GRM5: variants seen among roughly 807,000 people sequenced by gnomAD.
GRM5 encodes glutamate metabotropic receptor 5.
A neutral mutation model predicts 83.1 loss-of-function variants in GRM5; 19 were observed. The observed-to-expected ratio is 0.23, with a 90% CI of 0.16 to 0.34. GRM5 has a LOEUF of 0.34. Ranked by LOEUF, GRM5 falls within the 10% of genes least tolerant of loss-of-function variation. The pLI, the probability that GRM5 is intolerant of heterozygous loss-of-function variation, is 1.00. For synonymous variants in GRM5, 675 were observed against 633.6 expected (o/e 1.07, Z -0.98); for missense variants, 1,160 against 1,588.3 (o/e 0.73, Z 4.58).
In GRM5 at chr11:88,601,751, TCTTAAA is replaced by T. The variant is rs1938005419; in HGVS notation, c.1394+2961_1394+2966del. On this transcript the variant is annotated intron_variant, in intron 5 of 9. Coordinates refer to ENST00000305447, the MANE Select transcript of GRM5 (RefSeq NM_001143831.3). Reference sequence around the variant, plus strand: ...GTCAATTCCGGGTGGCAGCCACGCATCTTAAACTTTAATTCTCAATGGAGTCCCTAA... The same window carrying T: ...GTCAATTCCGGGTGGCAGCCACGCATCTTTAATTCTCAATGGAGTCCCTAA... 2.0e-5 allele frequency among the ~76,000 whole-genome samples: 3 copies of T among 152,278 alleles called. No individual in the cohort carries two copies. The South Asian group carries it at 6.2e-4, about 32-fold the overall frequency.
intron 3 of GRM5, among the ~76,000 whole-genome samples, chr11:88,694,735 G>A (rs1224695134): frequency 1.3e-5 from 2 of 152,078 alleles, no homozygotes; most frequent in Non-Finnish European, 2.9e-5. Flanking sequence ...GTTATTTAGA[G>A]AGCAATGTTA....
chr11:89,049,755 TAGAAAA>T (rs1411128615), intron 1 of GRM5, among the ~76,000 whole-genome samples: 3 of 152,140 alleles, frequency 2.0e-5, no homozygotes, highest in Non-Finnish European at 2.9e-5. Flanking sequence ...TGGGAATATA[TAGAAAA>T]AAATAGTTTT....
intron 2 of GRM5, among the ~76,000 whole-genome samples, chr11:89,044,223 C>T (rs534377793): frequency 1.3e-5 from 2 of 152,274 alleles, no homozygotes; most frequent in East Asian, 1.9e-4. Context: ...ATTGCATATT[C>T]CTTTCCTCTG....
intron 4 of GRM5, among the ~76,000 whole-genome samples, chr11:88,638,883 A>G (rs1360485140): frequency 2.0e-5 from 3 of 150,644 alleles, no homozygotes; most frequent in Non-Finnish European, 3.0e-5. Flanking sequence ...GATCAATTTG[A>G]TTTTTCAATT....
intron 2 of GRM5, among the ~76,000 whole-genome samples, chr11:88,939,608 A>G (rs756061743): frequency 6.6e-6 from 1 of 151,884 alleles, no homozygotes; most frequent in Non-Finnish European, 1.5e-5. Context: ...AGTAGCTCAC[A>G]TTTTAAAAAC....
At chr11:89,000,174 C>T (rs1314264945) in intron 2 of GRM5, among the ~76,000 whole-genome samples, 1 of 152,018 alleles carries the variant, frequency 6.6e-6, no homozygotes, top group Non-Finnish European at 1.5e-5. Context: ...ACCAACATGG[C>T]ACATGTATAC....
At position 88,947,770 on chromosome 11, in the gene GRM5, G is replaced by T. The variant is rs1368505569; in HGVS notation, c.662-97615C>A. The stretch of plus-strand genomic sequence containing the variant: ...TCCCCTTTTTGAACAACCTTGTTCA[G>T]AGCTAAAGGAAAAGCAGTAAATAAA... On this transcript the variant is annotated intron_variant, in intron 2 of 9. Transcript: ENST00000305447. 2.6e-5 allele frequency among the ~76,000 whole-genome samples: 4 copies of T among 152,094 alleles called. No homozygotes were observed. In the South Asian group the frequency reaches 8.3e-4, roughly 32 times the overall value.
intron 2 of GRM5, among the ~76,000 whole-genome samples, chr11:88,864,946 T>C (rs2201927): frequency 0.45 from 67,535 of 151,734 alleles, 15,366 homozygotes; most frequent in East Asian, 0.57. Context: ...GTCATTGGTT[T>C]TATTTATGTG....
chr11:88,907,517 T>A (rs1217664212), intron 2 of GRM5, among the ~76,000 whole-genome samples: 2 of 152,220 alleles, frequency 1.3e-5, no homozygotes, highest in African/African-American at 4.8e-5. Flanking sequence ...TAGTGCTCTA[T>A]CTTCTCACTA....
In GRM5 at chr11:88,745,874, T is replaced by C. The variant is rs143242134; in HGVS notation, c.912-92471A>G. On this transcript the variant is annotated intron_variant, in intron 3 of 9. Transcript: ENST00000305447. ...AGAAATTCCTGAGGCATTCAAGAAGTAGGCATTTCTGAAAAGCCCCATCTA... is the reference window on the plus strand; with the variant it reads ...AGAAATTCCTGAGGCATTCAAGAAGCAGGCATTTCTGAAAAGCCCCATCTA... 3.0e-3 allele frequency among the ~76,000 whole-genome samples: 457 copies of C among 152,278 alleles called. 5 individuals carry two copies. The highest frequency in any genetic ancestry group is 1.0e-2 in the African/African-American group (415 of 41,582).
chr11:88,645,511 A>C (rs1015269800), intron 4 of GRM5, among the ~76,000 whole-genome samples: 1 of 152,102 alleles, frequency 6.6e-6, no homozygotes, highest in Non-Finnish European at 1.5e-5. Flanking sequence ...TCATGGGTTT[A>C]AGAAATAGGA....
intron 6 of GRM5, among the ~76,000 whole-genome samples, chr11:88,594,266 A>G (rs1937737555): frequency 6.6e-6 from 1 of 152,222 alleles, no homozygotes; most frequent in African/African-American, 2.4e-5. Context: ...ACCCCTCACA[A>G]TGAAGAGTTT....
intron 3 of GRM5, among the ~76,000 whole-genome samples, chr11:88,793,554 T>C (rs889260756): frequency 6.6e-6 from 1 of 152,164 alleles, no homozygotes; most frequent in Non-Finnish European, 1.5e-5. Flanking sequence ...AATAATAGTA[T>C]TGGGAAGAAT....
intron 2 of GRM5, among the ~76,000 whole-genome samples, chr11:88,981,605 CAAAA>C (rs959333133): frequency 6.6e-6 from 1 of 151,784 alleles, no homozygotes; most frequent in Non-Finnish European, 1.5e-5. Flanking sequence ...ATAGTATACA[CAAAA>C]AAAATTATTT....
At chr11:88,782,794 T>C (rs1263735720) in intron 3 of GRM5, among the ~76,000 whole-genome samples, 1 of 152,058 alleles carries the variant, frequency 6.6e-6, no homozygotes, top group Non-Finnish European at 1.5e-5. Flanking sequence ...AGCTGACGGG[T>C]TGTTGTTCTG....
At chr11:88,815,299 G>A (rs12290880) in intron 3 of GRM5, among the ~76,000 whole-genome samples, 3,884 of 151,966 alleles carry the variant, frequency 0.026, 174 homozygotes, top group African/African-American at 0.089. Flanking sequence ...CAATATTTGG[G>A]AACTAAATAA....
At chr11:88,743,702 C>T (rs958109995) in intron 3 of GRM5, among the ~76,000 whole-genome samples, 2 of 152,128 alleles carry the variant, frequency 1.3e-5, no homozygotes, top group African/African-American at 4.8e-5. Context: ...GTGAACCAAA[C>T]AGCCTGGCTG....
chr11:88,507,659 T>C lies in GRM5; in HGVS notation c.*933A>G, dbSNP rs1231421990. 3 of 152,416 alleles carry C rather than the reference T, an allele frequency of 2.0e-5. No homozygotes were observed. Among genetic ancestry groups the C allele is most frequent in the African/African-American group, 7.2e-5 (3 of 41,578 alleles). The allele number at this position is 152,416 out of a possible 1,614,324, so 9.4% of individuals were successfully genotyped here. A position where few individuals can be genotyped will look rare whatever the true frequency, so the allele number is the denominator to read the frequency against. ...AGTTGGCAATGCAAACGCAACAGCA[T>C]TCCTAAAGAGTGGCCATGTTTCTTG... is the stretch of plus-strand genomic sequence containing the variant. On this transcript the variant is annotated 3_prime_UTR_variant, in exon 10 of 10. Coordinates refer to ENST00000305447, the MANE Select transcript of GRM5 (RefSeq NM_001143831.3).
At chr11:88,538,457 T>C (rs1379555244) in intron 8 of GRM5, among the ~76,000 whole-genome samples, 2 of 152,206 alleles carry the variant, frequency 1.3e-5, no homozygotes, top group African/African-American at 4.8e-5. Context: ...AGGAACAAAA[T>C]GTTAACTATA....
Sources: gnomAD v4.1 joint callset for allele counts (sites outside exome capture counted in the v4.1 genomes callset) on GRCh38, gnomAD v4.1.1 for gene constraint, MANE v1.5 for transcripts, NCBI Gene and HGNC (gene_info 2026-07-23, HGNC 2026-07-21) for gene names.